OSBPL1A: variants seen among roughly 807,000 people sequenced by gnomAD.
OSBPL1A encodes the protein oxysterol-binding protein-related protein 1.
A neutral mutation model predicts 137.1 loss-of-function variants in OSBPL1A; 80 were observed. The ratio of observed to expected loss-of-function variants is 0.58; its 90% confidence interval spans 0.49 to 0.70. OSBPL1A has a LOEUF of 0.70. Among genes scored for constraint, OSBPL1A ranks in the 30% least tolerant of loss-of-function variants. OSBPL1A has a pLI of 0.00. For synonymous variants in OSBPL1A, 365 were observed against 389.7 expected (o/e 0.94, Z 0.75); for missense variants, 970 against 1,129.4 (o/e 0.86, Z 2.02).
chr18:24,238,372 T>C (rs532938967), intron 16 of OSBPL1A, among the ~76,000 whole-genome samples: 11 of 152,268 alleles, frequency 7.2e-5, no homozygotes, highest in South Asian at 2.1e-4. Flanking sequence ...CATGTTCCTT[T>C]CCCTTCTCCC....
rs969619577 is a variant in OSBPL1A, at chr18:24,368,269, T to C, written c.207+18A>G. 8.9e-6 allele frequency: 14 copies of C among 1,575,118 alleles called. No homozygotes were observed. The African/African-American group carries it at 1.6e-4, about 18-fold the overall frequency. ...TAATATTTACTGTAGTCATTAAAAATTAAAGTCATAAATAGACCTTCAACA... is the reference window on the plus strand; with the variant it reads ...TAATATTTACTGTAGTCATTAAAAACTAAAGTCATAAATAGACCTTCAACA... On this transcript the variant is annotated intron_variant, in intron 3 of 27. Coordinates refer to ENST00000319481, the MANE Select transcript of OSBPL1A (RefSeq NM_080597.4).
intron 13 of OSBPL1A, among the ~76,000 whole-genome samples, chr18:24,307,251 C>G (rs933011491): frequency 2.0e-5 from 3 of 152,036 alleles, no homozygotes; most frequent in African/African-American, 7.2e-5. Flanking sequence ...CCACTGCACT[C>G]CAGCCTGGAT....
At chr18:24,182,277 C>T (rs2086626851) in intron 18 of OSBPL1A, among the ~76,000 whole-genome samples, 1 of 152,230 alleles carries the variant, frequency 6.6e-6, no homozygotes, top group Admixed American at 6.5e-5. Flanking sequence ...TCAACTGCAA[C>T]TGTTCAATTC....
intron 12 of OSBPL1A, 77 bp downstream of exon 12, chr18:24,314,172 C>T (rs2146116194): frequency 3.3e-6 from 3 of 913,560 alleles, no homozygotes; most frequent in Non-Finnish European, 3.3e-6. Context: ...GATGTTACCA[C>T]TGAACCTATG....
intron 15 of OSBPL1A, among the ~76,000 whole-genome samples, chr18:24,257,553 C>T (rs904657084): frequency 6.6e-6 from 1 of 152,136 alleles, no homozygotes; most frequent in African/African-American, 2.4e-5. Flanking sequence ...GGAAACTCTC[C>T]AGGACATTGG....
intron 19 of OSBPL1A, among the ~76,000 whole-genome samples, chr18:24,180,427 T>C (rs1487536100): frequency 6.6e-6 from 1 of 151,534 alleles, no homozygotes; most frequent in Non-Finnish European, 1.5e-5. Context: ...TATATATTTA[T>C]ATACACAAGT....
chr18:24,248,658 C>A (rs2146023377), intron 15 of OSBPL1A, among the ~76,000 whole-genome samples: 1 of 152,324 alleles, frequency 6.6e-6, no homozygotes, highest in South Asian at 2.1e-4. Flanking sequence ...TCGATTACTT[C>A]CAAACTGTAC....
chr18:24,285,179 T>C (rs1358299835), intron 14 of OSBPL1A, among the ~76,000 whole-genome samples: 3 of 152,208 alleles, frequency 2.0e-5, no homozygotes, highest in Admixed American at 6.5e-5. Flanking sequence ...ATGTTGTCTC[T>C]CTGTGACCCT....
intron 4 of OSBPL1A, among the ~76,000 whole-genome samples, chr18:24,354,358 C>A (rs961248140): frequency 6.6e-6 from 1 of 152,130 alleles, no homozygotes; most frequent in Admixed American, 6.5e-5. Context: ...CAGAAGCCAA[C>A]GTGTGGAGAG....
rs898689702 is a variant in OSBPL1A at position 24,162,345 on chromosome 18, A to AACTT, written c.*830_*833dup. The AACTT allele has an allele frequency of 9.2e-5, 14 of 152,348 alleles. No homozygotes were observed. The highest frequency in any genetic ancestry group is 6.8e-3 in the Middle Eastern group (2 of 294). 9.4% of individuals were successfully genotyped at this position (152,348 alleles called of 1,614,324 possible). A position where few individuals can be genotyped will look rare whatever the true frequency, so the allele number is the denominator to read the frequency against. On this transcript the variant is annotated 3_prime_UTR_variant, in exon 28 of 28. Coordinates refer to ENST00000319481, the MANE Select transcript of OSBPL1A (RefSeq NM_080597.4). ...TATAGTTTGATACTTACATGAGTGC[A>AACTT]ACTTACTTTCCCTAGTGGCATTTGC...
intron 21 of OSBPL1A, among the ~76,000 whole-genome samples, chr18:24,175,832 G>A (rs899760143): frequency 1.3e-5 from 2 of 152,154 alleles, no homozygotes; most frequent in Non-Finnish European, 2.9e-5. Context: ...CTAGTTTGAG[G>A]TTCATTTTTT....
Position 24,250,157 on chromosome 18 carries a change from TG to T in OSBPL1A, c.1282-10776del, listed in dbSNP as rs200117827. ...CTCCCAGAAGGCGTTTGTGTGTTTT[TG>T]TTTGTTTGTTTGTTTGTTTGTTTGT... On this transcript the variant is annotated intron_variant, in intron 15 of 27. Coordinates refer to ENST00000319481, the MANE Select transcript of OSBPL1A (RefSeq NM_080597.4). Among the ~76,000 whole-genome samples the T allele has an allele frequency of 5.7e-3, 260 of 45,500 alleles. 17 individuals are homozygous for T. The East Asian group carries it at 0.072, about 13-fold the overall frequency. The allele number at this position is 45,500 out of a possible 152,430, so 29.8% of individuals were successfully genotyped here.
At chr18:24,172,214 C>G (rs2086305494) in intron 22 of OSBPL1A, among the ~76,000 whole-genome samples, 162 bp downstream of exon 22, 1 of 152,208 alleles carries the variant, frequency 6.6e-6, no homozygotes, top group Non-Finnish European at 1.5e-5. Flanking sequence ...GCTAGGATTA[C>G]AGGCGTGAGC....
intron 15 of OSBPL1A, among the ~76,000 whole-genome samples, chr18:24,265,367 C>A (rs749247628): frequency 6.6e-6 from 1 of 152,108 alleles, no homozygotes; most frequent in Non-Finnish European, 1.5e-5. Context: ...GTAGTCCCAG[C>A]TACTTGGGAT....
intron 4 of OSBPL1A, among the ~76,000 whole-genome samples, chr18:24,354,595 C>A (rs774954346): frequency 1.3e-4 from 19 of 151,752 alleles, no homozygotes; most frequent in Non-Finnish European, 2.5e-4. Context: ...ATCAGAGTAC[C>A]ACTGAGGAAC....
chr18:24,240,695 G>C (rs1437893804), intron 15 of OSBPL1A, among the ~76,000 whole-genome samples: 1 of 152,118 alleles, frequency 6.6e-6, no homozygotes, highest in Non-Finnish European at 1.5e-5. Flanking sequence ...TCAACATAGT[G>C]GTCTTCAAAC....
intron 18 of OSBPL1A, among the ~76,000 whole-genome samples, chr18:24,184,554 A>G (rs1270206433): frequency 1.3e-5 from 2 of 152,046 alleles, no homozygotes; most frequent in African/African-American, 2.4e-5. Context: ...ACTCTTTCCA[A>G]CTGCTAGAGT....
At position 24,177,536 on chromosome 18, in the gene OSBPL1A, T is replaced by G. The variant is rs111662307; in HGVS notation, c.2093+477A>C. On this transcript the variant is annotated intron_variant, in intron 21 of 27. Coordinates refer to ENST00000319481, the MANE Select transcript of OSBPL1A (RefSeq NM_080597.4). ...CTAGTTGTAATCAGTGTTAAAGAGATAGGGTATCGTATGCTTATTCTCTCC... is the reference window on the plus strand; with the variant it reads ...CTAGTTGTAATCAGTGTTAAAGAGAGAGGGTATCGTATGCTTATTCTCTCC... Among the ~76,000 whole-genome samples the G allele has an allele frequency of 2.0e-5, 3 of 152,308 alleles. No homozygotes were observed. In the East Asian group the frequency reaches 5.8e-4, roughly 29 times the overall value.
intron 4 of OSBPL1A, among the ~76,000 whole-genome samples, chr18:24,361,399 A>G (rs1339190629): frequency 6.6e-6 from 1 of 152,168 alleles, no homozygotes; most frequent in Non-Finnish European, 1.5e-5. Context: ...CCTATGGTGA[A>G]GTTGGTTTCC....
Sources: gnomAD v4.1 joint callset for allele counts (sites outside exome capture counted in the v4.1 genomes callset) on GRCh38, gnomAD v4.1.1 for gene constraint, MANE v1.5 for transcripts, NCBI Gene and HGNC (gene_info 2026-07-23, HGNC 2026-07-21) for gene names.